NR3C1: variants seen among roughly 807,000 people sequenced by gnomAD.
NR3C1 encodes nuclear receptor subfamily 3 group C member 1, also known as glucocorticoid receptor.
In NR3C1, 14 loss-of-function variants were observed where a neutral mutation model predicts 74.0. The ratio of observed to expected loss-of-function variants is 0.19; its 90% CI spans 0.12 to 0.30. The LOEUF (loss-of-function observed/expected upper bound fraction) is 0.30, where lower values mean the gene tolerates loss of function less well. Among genes scored for constraint, NR3C1 ranks in the 10% least tolerant of loss-of-function variants. The probability of loss-of-function intolerance (pLI) is 1.00; values close to 1 mark genes in which losing one functional copy is unlikely to be tolerated. For missense variants in NR3C1, 695 were observed against 909.8 expected (o/e 0.76, Z 3.04); for synonymous variants, 308 against 332.5 (o/e 0.93, Z 0.80).
At chr5:143,318,796 C>T (rs1050835699) in intron 2 of NR3C1, among the ~76,000 whole-genome samples, 1 of 152,086 alleles carries the variant, frequency 6.6e-6, no homozygotes, top group Non-Finnish European at 1.5e-5. Context: ...ATGCTATATG[C>T]GATATAAGTG....
upstream of NR3C1, chr5:143,404,067 A>G (rs989625833): frequency 5.1e-6 from 5 of 984,936 alleles, no homozygotes; most frequent in African/African-American, 1.8e-5. Context: ...GCCCCCGCCC[A>G]GCTCCGCGGC....
At position 143,282,106 on chromosome 5, in the gene NR3C1, T is replaced by C. The variant is rs560581708; in HGVS notation, c.2182-65A>G. 8 of 1,576,530 alleles carry C rather than the reference T, an allele frequency of 5.1e-6. No individual in the cohort carries two copies. In the African/African-American group the frequency reaches 9.4e-5, roughly 19 times the overall value. On this transcript the variant is annotated intron_variant, in intron 8 of 8. Coordinates refer to ENST00000394464, the MANE Select transcript of NR3C1 (RefSeq NM_000176.3). ...GGTCAGTGGGAACATCTCATGTTTG[T>C]TGTCCTCTATTTTGAAAAAATTATC...
At chr5:143,408,407 A>G (rs937493785), upstream of NR3C1, among the ~76,000 whole-genome samples, 1 of 152,222 alleles carries the variant, frequency 6.6e-6, no homozygotes, top group Non-Finnish European at 1.5e-5. Flanking sequence ...ATTAGCAATT[A>G]TTATTCATCT....
chr5:143,308,628 T>C (rs1820182162), intron 4 of NR3C1, among the ~76,000 whole-genome samples: 1 of 152,192 alleles, frequency 6.6e-6, no homozygotes, highest in African/African-American at 2.4e-5. Flanking sequence ...TCTGCCCTTA[T>C]TTTTCATCTA....
At chr5:143,386,435 G>C (rs1443480157) in intron 2 of NR3C1, among the ~76,000 whole-genome samples, 1 of 152,216 alleles carries the variant, frequency 6.6e-6, no homozygotes. Context: ...AATGGGATCC[G>C]CATCTGTTAA....
At position 143,295,637 on chromosome 5, in the gene NR3C1, C is replaced by T. The variant is rs747822095; in HGVS notation, c.1893-47G>A. 8.6e-6 allele frequency: 13 copies of T among 1,511,136 alleles called. 1 individual carries two copies. The South Asian group carries it at 1.1e-4, about 13-fold the overall frequency. The allele number at this position is 1,511,136 out of a possible 1,614,324, so 93.6% of individuals were successfully genotyped here. On this transcript the variant is annotated intron_variant, in intron 6 of 8. Transcript: ENST00000394464. ...GTATTAGTTAGAAATACTGCTACTTCCCCCCAAAAAGCACATTTTTGTTTT... is the reference window on the plus strand; with the variant it reads ...GTATTAGTTAGAAATACTGCTACTTTCCCCCAAAAAGCACATTTTTGTTTT...
At chr5:143,425,240 G>A in intron 1 of NR3C1, among the ~76,000 whole-genome samples, 1 of 152,120 alleles carries the variant, frequency 6.6e-6, no homozygotes, top group South Asian at 2.1e-4. Flanking sequence ...AAACTTAAAT[G>A]TAAAAGCTAA....
At chr5:143,301,716 G>A (rs553589046) in intron 4 of NR3C1, among the ~76,000 whole-genome samples, 1 of 152,144 alleles carries the variant, frequency 6.6e-6, no homozygotes, top group South Asian at 2.1e-4. Context: ...TTTATATCAC[G>A]AAGAAATGTA....
chr5:143,356,570 T>C (rs542499423), intron 2 of NR3C1, among the ~76,000 whole-genome samples: 1 of 152,216 alleles, frequency 6.6e-6, no homozygotes, highest in Non-Finnish European at 1.5e-5. Flanking sequence ...CACTGCCCTG[T>C]TTTTAGTACA....
rs375907483 is a variant in NR3C1 at position 143,306,973 on chromosome 5, T to C, written c.1468+3124A>G. Among the ~76,000 whole-genome samples, 18 of 141,408 alleles carry C rather than the reference T, an allele frequency of 1.3e-4. No individual in the cohort carries two copies. In the East Asian group the frequency reaches 1.5e-3, roughly 12 times the overall value. The allele number at this position is 141,408 out of a possible 152,430, so 92.8% of individuals were successfully genotyped here. ...GTGCAGTGGCGCGATCTTGGCTCACTGCAAGCTCCAACTCCTGGGCTGATG... is the reference window on the plus strand; with the variant it reads ...GTGCAGTGGCGCGATCTTGGCTCACCGCAAGCTCCAACTCCTGGGCTGATG... On this transcript the variant is annotated intron_variant, in intron 4 of 8. Coordinates refer to ENST00000394464, the MANE Select transcript of NR3C1 (RefSeq NM_000176.3).
intron 2 of NR3C1, among the ~76,000 whole-genome samples, chr5:143,314,823 AG>A (rs1409459041): frequency 6.6e-6 from 1 of 152,222 alleles, no homozygotes; most frequent in African/African-American, 2.4e-5. Context: ...AGACTGATCC[AG>A]AAACATTTTC....
chr5:143,314,066 T>C lies in NR3C1; in HGVS notation c.1287A>G (p.Ser429=). ...KLCLVCSDEA[S]GCHYGVLTCG... ...AAGTTAAGACTCCATAATGACATCC[T>C]GAAGCTTCATCAGAGCACACCAGGC... The change falls in exon 3 of 9, where the codon TCA becomes TCG. Residue 429 remains serine, a synonymous_variant. Coordinates refer to ENST00000394464, the MANE Select transcript of NR3C1 (RefSeq NM_000176.3). 1 of 1,613,850 alleles carries C rather than the reference T, an allele frequency of 6.2e-7. No homozygotes were observed. The highest frequency in any genetic ancestry group is 1.1e-5 in the South Asian group (1 of 91,070).
At chr5:143,307,053 C>T (rs1372518938) in intron 4 of NR3C1, among the ~76,000 whole-genome samples, 6 of 151,912 alleles carry the variant, frequency 3.9e-5, no homozygotes, top group African/African-American at 9.7e-5. Flanking sequence ...CCCGCCACCA[C>T]GCCTGGCTAA....
chr5:143,284,472 TTACTA>T (rs1265622105), intron 7 of NR3C1, among the ~76,000 whole-genome samples: 2 of 152,194 alleles, frequency 1.3e-5, no homozygotes, highest in African/African-American at 4.8e-5. Flanking sequence ...ATTTTACACA[TTACTA>T]TACTACAGAA....
intron 4 of NR3C1, among the ~76,000 whole-genome samples, chr5:143,306,525 C>T (rs1819627260): frequency 6.6e-6 from 1 of 152,120 alleles, no homozygotes; most frequent in South Asian, 2.1e-4. Context: ...CACACAAACC[C>T]TAAGAACTTT....
chr5:143,297,739 A>G (rs1384064709), intron 6 of NR3C1, among the ~76,000 whole-genome samples: 1 of 152,208 alleles, frequency 6.6e-6, no homozygotes, highest in Non-Finnish European at 1.5e-5. Context: ...AAAAGTAGTA[A>G]TACAAGGTAG....
intron 2 of NR3C1, among the ~76,000 whole-genome samples, chr5:143,373,548 G>C (rs566636472): frequency 6.6e-6 from 1 of 151,854 alleles, no homozygotes; most frequent in Non-Finnish European, 1.5e-5. Flanking sequence ...CCAACATGGC[G>C]CATGTATACC....
At chr5:143,410,588 G>A (rs188728817) in intron 1 of NR3C1, among the ~76,000 whole-genome samples, 1 of 152,270 alleles carries the variant, frequency 6.6e-6, no homozygotes, top group African/African-American at 2.4e-5. Flanking sequence ...TGAGCCTGGG[G>A]TAGGCATTTG....
chr5:143,373,486 T>G lies in NR3C1; in HGVS notation c.1184+26170A>C, dbSNP rs778659872. Among the ~76,000 whole-genome samples, 3 of 151,818 alleles carry G rather than the reference T, an allele frequency of 2.0e-5. No homozygotes were observed. The South Asian group carries it at 6.2e-4, about 32-fold the overall frequency. ...GGGGGGTGGGGGGCTAGGGGAGGGA[T>G]AGCATTAGGAGAAATACCCAGTGTA... is the stretch of plus-strand genomic sequence containing the variant. On this transcript the variant is annotated intron_variant, in intron 2 of 8. Coordinates refer to ENST00000394464, the MANE Select transcript of NR3C1 (RefSeq NM_000176.3).
Sources: gnomAD v4.1 joint callset for allele counts (sites outside exome capture counted in the v4.1 genomes callset) on GRCh38, gnomAD v4.1.1 for gene constraint, MANE v1.5 for transcripts, NCBI Gene and HGNC (gene_info 2026-07-23, HGNC 2026-07-21) for gene names.